Variants in STK33 observed in about 807,000 individuals in gnomAD.
STK33 encodes the protein serine/threonine-protein kinase 33.
In STK33, 52 loss-of-function variants were observed where a neutral mutation model predicts 58.0. That is an observed-to-expected ratio of 0.90 (90% CI 0.72 to 1.13). The LOEUF is 1.13. Among genes scored for constraint, STK33 ranks in the 50% most tolerant of loss-of-function variants. The pLI, the probability that STK33 is intolerant of heterozygous loss-of-function variation, is 0.00. For missense variants in STK33, 630 were observed against 604.2 expected, an observed-to-expected ratio of 1.04 and a Z score of -0.45; for synonymous variants, 215 against 200.1, an observed-to-expected ratio of 1.07 and a Z score of -0.63.
At chr11:8,449,592 T>G (rs1298780671) in intron 11 of STK33, among the ~76,000 whole-genome samples, 2 of 123,196 alleles carry the variant, frequency 1.6e-5, no homozygotes, top group Non-Finnish European at 3.2e-5. Flanking sequence ...TGAGAACACA[T>G]GGACACAGGA....
intron 1 of STK33, among the ~76,000 whole-genome samples, chr11:8,528,801 G>C (rs1235171927): frequency 6.6e-6 from 1 of 152,120 alleles, no homozygotes; most frequent in Non-Finnish European, 1.5e-5. Context: ...GTGCCAGTAG[G>C]TGAGTCCAAA....
the STK33 span, among the ~76,000 whole-genome samples, chr11:8,342,985 TC>T: frequency 1.3e-5 from 2 of 152,178 alleles, no homozygotes; most frequent in African/African-American, 4.8e-5. Flanking sequence ...CTGAGGCTCA[TC>T]CCCAGGCAGG....
chr11:8,437,252 G>A (rs1290333585), intron 12 of STK33, among the ~76,000 whole-genome samples: 1 of 152,128 alleles, frequency 6.6e-6, no homozygotes, highest in East Asian at 1.9e-4. Flanking sequence ...TGTACCTTTA[G>A]ACTCTTAATA....
chr11:8,536,972 A>ATTTTTTTTTTT (rs1232336873), intron 1 of STK33, among the ~76,000 whole-genome samples: 4 of 65,736 alleles, frequency 6.1e-5, no homozygotes, highest in Non-Finnish European at 7.4e-5. Context: ...AAAAAAAAAG[A>ATTTTTTTTTTT]TTTTTTTTTT....
At chr11:8,523,361 G>C (rs1410943593) in intron 1 of STK33, among the ~76,000 whole-genome samples, 3 of 150,518 alleles carry the variant, frequency 2.0e-5, no homozygotes, top group African/African-American at 7.4e-5. Context: ...GTCTCTGCCC[G>C]GCCGCCCATC....
At chr11:8,431,591 T>C (rs1392131200) in intron 14 of STK33, among the ~76,000 whole-genome samples, 1 of 152,198 alleles carries the variant, frequency 6.6e-6, no homozygotes, top group Non-Finnish European at 1.5e-5. Flanking sequence ...TTCATCTTTG[T>C]ACCCCTCTAG....
rs1049997776 is a variant in STK33, at chr11:8,396,030, G to A, written c.1345-3320C>T. Among the ~76,000 whole-genome samples the A allele has an allele frequency of 6.6e-5, 10 of 152,010 alleles. No homozygotes were observed. The South Asian group carries it at 8.3e-4, about 13-fold the overall frequency. ...AAATCAGCCTAACGCTGGCTACCCCGAAACAAATCACAGTATTTGCTCCTT... is the reference window on the plus strand; with the variant it reads ...AAATCAGCCTAACGCTGGCTACCCCAAAACAAATCACAGTATTTGCTCCTT... On this transcript the variant is annotated intron_variant, in intron 15 of 15. Coordinates refer to ENST00000687296, the MANE Select transcript of STK33 (RefSeq NM_001352389.2).
At chr11:8,432,221 T>C (rs1943507474) in intron 14 of STK33, among the ~76,000 whole-genome samples, 1 of 152,204 alleles carries the variant, frequency 6.6e-6, no homozygotes, top group South Asian at 2.1e-4. Context: ...GGCTTTTAAA[T>C]ATAAGTGGGC....
At position 8,409,714 on chromosome 11, in the gene STK33, C is replaced by T. The variant is rs574534474; in HGVS notation, c.1344+3781G>A. ...ACTTATACCCAAAGGAGCCTTGATA[C>T]AGCCAGGAAAATATATGCAATTTTA... On this transcript the variant is annotated intron_variant, in intron 15 of 15. Transcript: ENST00000687296. Among the ~76,000 whole-genome samples the T allele has an allele frequency of 3.2e-4, 49 of 152,276 alleles. No individual in the cohort carries two copies. The South Asian group carries it at 0.01, about 32-fold the overall frequency.
chr11:8,492,823 T>C (rs1248089425), intron 1 of STK33, among the ~76,000 whole-genome samples: 2 of 152,332 alleles, frequency 1.3e-5, no homozygotes, highest in East Asian at 3.9e-4. Context: ...GCATGGAAAC[T>C]GAACAACTTA....
chr11:8,519,945 G>A (rs1049834415), intron 1 of STK33, among the ~76,000 whole-genome samples: 9 of 152,084 alleles, frequency 5.9e-5, no homozygotes, highest in African/African-American at 2.2e-4. Flanking sequence ...TCCTTCTGAA[G>A]CTATTTCAAT....
intron 1 of STK33, among the ~76,000 whole-genome samples, chr11:8,546,804 T>A (rs187501825): frequency 6.6e-6 from 1 of 152,292 alleles, no homozygotes; most frequent in East Asian, 1.9e-4. Flanking sequence ...GCTGTGTATA[T>A]TTACCACATT....
intron 1 of STK33, among the ~76,000 whole-genome samples, chr11:8,553,203 A>ATATATATATATATATATATGGTGTG (rs1956467282): frequency 5.5e-5 from 4 of 72,926 alleles, no homozygotes; most frequent in African/African-American, 2.0e-4. Context: ...TATATGGTGT[A>ATATATATATATATATATATGGTGTG]TATATATATA....
the STK33 span, among the ~76,000 whole-genome samples, chr11:8,335,654 G>A: frequency 6.6e-6 from 1 of 152,052 alleles, no homozygotes; most frequent in Non-Finnish European, 1.5e-5. Flanking sequence ...GAGCCACACA[G>A]GTCACTTTAA....
At chr11:8,436,481 T>C (rs890610408) in intron 12 of STK33, among the ~76,000 whole-genome samples, 1 of 152,094 alleles carries the variant, frequency 6.6e-6, no homozygotes, top group African/African-American at 2.4e-5. Flanking sequence ...TGTACAATAA[T>C]AGTGGTAGCT....
intron 2 of STK33, among the ~76,000 whole-genome samples, chr11:8,478,462 T>A (rs1293168705): frequency 6.6e-6 from 1 of 152,170 alleles, no homozygotes; most frequent in African/African-American, 2.4e-5. Flanking sequence ...TGGCTTAAGG[T>A]TTTCATTTTA....
chr11:8,549,550 G>A lies in STK33; in HGVS notation c.-466+44533C>T, dbSNP rs577201946. On this transcript the variant is annotated intron_variant, in intron 1 of 15. Transcript: ENST00000687296. ...CCTCCTCAATTTTCTGAAATAGTTT[G>A]AATACAAATGGTATTAGCTTTCCTT... 1.9e-4 allele frequency among the ~76,000 whole-genome samples: 29 copies of A among 151,758 alleles called. No individual in the cohort carries two copies. In the South Asian group the frequency reaches 5.8e-3, roughly 31 times the overall value.
At chr11:8,388,229 A>G (rs186457241), downstream of STK33, among the ~76,000 whole-genome samples, 195 of 152,254 alleles carry the variant, frequency 1.3e-3, no homozygotes, top group African/African-American at 4.4e-3. Flanking sequence ...AATCTTCCCA[A>G]TGGGGCAGTG....
At chr11:8,443,337 C>T (rs1038144605) in intron 11 of STK33, among the ~76,000 whole-genome samples, 5 of 152,102 alleles carry the variant, frequency 3.3e-5, no homozygotes, top group African/African-American at 1.2e-4. Flanking sequence ...GCATCATTTG[C>T]AAAAGCTGAT....
Sources: allele counts gnomAD v4.1 joint callset (sites outside exome capture counted in the v4.1 genomes callset), GRCh38; gene constraint gnomAD v4.1.1; transcripts MANE v1.5; gene names NCBI Gene and HGNC (gene_info 2026-07-23, HGNC 2026-07-21).